LRRC61: variants seen among roughly 807,000 people sequenced by gnomAD.
LRRC61 encodes the protein leucine-rich repeat-containing protein 61.
A neutral mutation model predicts 15.1 loss-of-function variants in LRRC61; 9 were observed. The observed-to-expected ratio is 0.60, with a 90% confidence interval of 0.36 to 1.04. The LOEUF (loss-of-function observed/expected upper bound fraction) is 1.04, where lower values mean the gene tolerates loss of function less well. Among genes scored for constraint, LRRC61 ranks in the 50% least tolerant of loss-of-function variants. The pLI, the probability that LRRC61 is intolerant of heterozygous loss-of-function variation, is 0.01. For synonymous variants in LRRC61, 173 were observed against 158.6 expected (o/e 1.09, Z -0.68); for missense variants, 344 against 335.6 (o/e 1.03, Z -0.20).
chr7:150,311,232 C>A, the LRRC61 span, among the ~76,000 whole-genome samples: 2 of 152,236 alleles, frequency 1.3e-5, no homozygotes, highest in Non-Finnish European at 2.9e-5. Context: ...CTCATCTCAA[C>A]CTTTTTCCGT....
Position 150,330,927 on chromosome 7 carries a change from C to T in LRRC61, c.-145+4917C>T. The T allele has an allele frequency of 6.2e-7, 1 of 1,612,756 alleles. No individual in the cohort carries two copies. Among genetic ancestry groups the T allele is most frequent in the Non-Finnish European group, 8.5e-7 (1 of 1,179,888 alleles). On this transcript the variant is annotated intron_variant, in intron 2 of 2. Coordinates refer to ENST00000359623, the MANE Select transcript of LRRC61 (RefSeq NM_001142928.2). This position sits in a 1 kb window ranked among gnomAD's most constrained non-coding sequence, Gnocchi z 4.6. ...GAAGGGCTTGCTGGAGAGCATGGGG[C>T]TGCTGGCCTCTGAGAGAAGCGGGGG...
rs1052386953 is a variant in LRRC61, at chr7:150,333,147, T to A, written c.-144-3571T>A. Reference sequence around the variant, plus strand: ...GAGAGGACTGGGAGGCCTAGAATGGTGAGGCAGCGAGGCTCGGGAGAAGAA... The same window carrying A: ...GAGAGGACTGGGAGGCCTAGAATGGAGAGGCAGCGAGGCTCGGGAGAAGAA... On this transcript the variant is annotated intron_variant, in intron 2 of 2. Coordinates refer to ENST00000359623, the MANE Select transcript of LRRC61 (RefSeq NM_001142928.2). The surrounding 1 kb of genome is among the most constrained non-coding windows in gnomAD (Gnocchi z 4.3). Among the ~76,000 whole-genome samples the A allele has an allele frequency of 7.2e-5, 11 of 152,024 alleles. No homozygotes were observed. Among genetic ancestry groups the A allele is most frequent in the Non-Finnish European group, 1.6e-4 (11 of 68,004 alleles).
upstream of LRRC61, among the ~76,000 whole-genome samples, chr7:150,319,365 G>T (rs1422659300): frequency 6.6e-6 from 1 of 152,134 alleles, no homozygotes; most frequent in African/African-American, 2.4e-5. Flanking sequence ...GCACCACCAT[G>T]CCTAGCTAAT....
intron 2 of LRRC61, 22 bp from the exon 3 acceptor site, chr7:150,336,696 C>A: frequency 1.2e-6 from 1 of 862,108 alleles, no homozygotes; most frequent in Non-Finnish European, 1.8e-6. Flanking sequence ...GTGCTGCCTG[C>A]TGACTGACTG....
upstream of LRRC61, among the ~76,000 whole-genome samples, chr7:150,322,066 C>T (rs923443929): frequency 6.6e-6 from 1 of 152,204 alleles, no homozygotes; most frequent in Non-Finnish European, 1.5e-5. Flanking sequence ...ATTTTGTGCT[C>T]GTCCAGGGAA....
the LRRC61 span, among the ~76,000 whole-genome samples, chr7:150,311,574 C>T: frequency 6.6e-6 from 1 of 152,186 alleles, no homozygotes; most frequent in Admixed American, 6.5e-5. Flanking sequence ...CGATTTCAAC[C>T]CAGCTTCTCA....
In LRRC61 at chr7:150,337,331, T is replaced by C. The variant is rs1398113711; in HGVS notation, c.470T>C (p.Leu157Pro). The C allele has an allele frequency of 6.2e-7, 1 of 1,604,136 alleles. No homozygotes were observed. Among genetic ancestry groups the C allele is most frequent in the Admixed American group, 1.7e-5 (1 of 60,026 alleles). ...GCAGTCCGGGAGCTGCTGCCTGGCC[T>C]GAAAGTCATCGACGGTGAGCGTGTG... The part of the protein sequence containing the change: ...WAAVRELLPG[L>P]KVIDGERVIG... Residue 157 changes from leucine to proline, a missense_variant, in exon 3 of 3, where the codon CTG becomes CCG. Transcript: ENST00000359623.
chr7:150,330,416 C>CGAGGCGAGTGCGGCACA lies in LRRC61; in HGVS notation c.-145+4408_-145+4424dup. ...TGTAGCCCTTCCAGATGGTGGTCCG[C>CGAGGCGAGTGCGGCACA]GAGGCGAGTGCGGCACAGGCCTCTC... On this transcript the variant is annotated intron_variant, in intron 2 of 2. Coordinates refer to ENST00000359623, the MANE Select transcript of LRRC61 (RefSeq NM_001142928.2). The surrounding 1 kb of genome is among the most constrained non-coding windows in gnomAD (Gnocchi z 4.6). The CGAGGCGAGTGCGGCACA allele has an allele frequency of 1.3e-6, 1 of 770,830 alleles. No individual in the cohort carries two copies. Among genetic ancestry groups the CGAGGCGAGTGCGGCACA allele is most frequent in the Non-Finnish European group, 2.4e-6 (1 of 418,048 alleles). 47.7% of individuals were successfully genotyped at this position (770,830 alleles called of 1,614,324 possible).
chr7:150,331,213 C>A (rs1035446750), intron 2 of LRRC61: 1 of 1,264,716 alleles, frequency 7.9e-7, no homozygotes, highest in Non-Finnish European at 1.1e-6. Context: ...GAAGGCCAAC[C>A]TGGAGCAGTT....
At chr7:150,334,067 C>T in intron 2 of LRRC61, 1 of 985,400 alleles carries the variant, frequency 1.0e-6, no homozygotes, top group East Asian at 1.1e-4. Context: ...TGCTCCGTTT[C>T]CTCTTCTGTA....
chr7:150,330,511 A>G lies in LRRC61; in HGVS notation c.-145+4501A>G. On this transcript the variant is annotated intron_variant, in intron 2 of 2. Transcript: ENST00000359623. This position sits in a 1 kb window ranked among gnomAD's most constrained non-coding sequence, Gnocchi z 4.6. ...GAGCAGGTTCACACACACTTTCAGG[A>G]GCAGAGTGTCGGGGAGAGGGGCGCA... 1.3e-6 allele frequency: 1 copy of G among 780,008 alleles called. No individual in the cohort carries two copies. Among genetic ancestry groups the G allele is most frequent in the Non-Finnish European group, 2.4e-6 (1 of 417,724 alleles). The allele number at this position is 780,008 out of a possible 1,614,324, so 48.3% of individuals were successfully genotyped here.
rs1249667242 is a variant in LRRC61, at chr7:150,335,053, AAAAG to A, written c.-144-1664_-144-1661del. Among the ~76,000 whole-genome samples the A allele has an allele frequency of 4.0e-5, 6 of 151,736 alleles. No individual in the cohort carries two copies. The highest frequency in any genetic ancestry group is 1.9e-4 in the East Asian group (1 of 5,180). On this transcript the variant is annotated intron_variant, in intron 2 of 2. Coordinates refer to ENST00000359623, the MANE Select transcript of LRRC61 (RefSeq NM_001142928.2). This position sits in a 1 kb window ranked among gnomAD's most constrained non-coding sequence, Gnocchi z 4.3. ...CTCAAAAAAAAAAAAAAAAAAGAAA[AAAAG>A]GAGCCCCTGGCATACAGTCACCCAG... is the stretch of plus-strand genomic sequence containing the variant.
At chr7:150,316,203 AC>A in the LRRC61 span, among the ~76,000 whole-genome samples, 2 of 152,196 alleles carry the variant, frequency 1.3e-5, no homozygotes, top group African/African-American at 4.8e-5. Context: ...GTCTCAAAAA[AC>A]AAACAAACAA....
At position 150,336,976 on chromosome 7, in the gene LRRC61, C is replaced by A. The variant is rs75056573; in HGVS notation, c.115C>A (p.Arg39Ser). Residue 39 changes from arginine to serine, a missense_variant, in exon 3 of 3, where the codon CGT (arginine) becomes AGT (serine). Physicochemically the swap from Arg to Ser is moderately radical, Grantham distance 110 (BLOSUM62 -1). Coordinates refer to ENST00000359623, the MANE Select transcript of LRRC61 (RefSeq NM_001142928.2). The stretch of plus-strand genomic sequence containing the variant: ...GGAGTCCATCCTGCTACTGAAGCTG[C>A]GTGGCTTGGGACTGGCTGACCTGGG... ...SLESILLLKL[R>S]GLGLADLGCL... is the part of the protein sequence containing the mutation. 1.2e-6 allele frequency: 2 copies of A among 1,613,992 alleles called. No individual in the cohort carries two copies. Among genetic ancestry groups the A allele is most frequent in the South Asian group, 1.1e-5 (1 of 91,092 alleles).
rs200032049 is a variant in LRRC61, at chr7:150,337,125, G to C, written c.264G>C (p.Thr88=). 9.3e-6 allele frequency: 15 copies of C among 1,612,038 alleles called. No individual in the cohort carries two copies. The East Asian group carries it at 3.1e-4, about 34-fold the overall frequency. The change falls in exon 3 of 3, where the codon ACG becomes ACC. Residue 88 remains threonine (T), a synonymous_variant. Coordinates refer to ENST00000359623, the MANE Select transcript of LRRC61 (RefSeq NM_001142928.2). ...TCAATGTCTCCAACAATCGGCTGAC[G>C]GGCCTGGAGCCACTGGCCACCTGTG... ...AVLNVSNNRL[T]GLEPLATCEN...
intron 1 of LRRC61, 34 bp from the exon 2 acceptor site, chr7:150,325,807 A>G (rs551620956): frequency 2.6e-5 from 4 of 152,560 alleles, no homozygotes; most frequent in Admixed American, 2.0e-4. Flanking sequence ...ACTGAAATTT[A>G]TCAATGACTT....
chr7:150,309,672 G>C, the LRRC61 span, among the ~76,000 whole-genome samples: 6,163 of 152,200 alleles, frequency 0.04, 408 homozygotes, highest in African/African-American at 0.14. Context: ...CCACAGCCCA[G>C]GATTCTTCCT....
rs1222134092 is a variant in LRRC61 at position 150,333,114 on chromosome 7, T to TA, written c.-144-3604_-144-3603insA. 1.3e-5 allele frequency among the ~76,000 whole-genome samples: 2 copies of TA among 152,126 alleles called. No homozygotes were observed. Among genetic ancestry groups the TA allele is most frequent in the African/African-American group, 4.8e-5 (2 of 41,418 alleles). ...TGTGTGGCATCACCGAGCGGGCTCATGTTCTGGGAGAGGACTGGGAGGCCT... is the reference window on the plus strand; with the variant it reads ...TGTGTGGCATCACCGAGCGGGCTCATAGTTCTGGGAGAGGACTGGGAGGCCT... On this transcript the variant is annotated intron_variant, in intron 2 of 2. Coordinates refer to ENST00000359623, the MANE Select transcript of LRRC61 (RefSeq NM_001142928.2). The surrounding 1 kb of genome is among the most constrained non-coding windows in gnomAD (Gnocchi z 4.3).
chr7:150,311,748 G>C, the LRRC61 span, among the ~76,000 whole-genome samples: 1 of 152,166 alleles, frequency 6.6e-6, no homozygotes, highest in African/African-American at 2.4e-5. Context: ...GCCAGCTAAA[G>C]CTGGTGATGC....
Sources: gnomAD v4.1 joint callset for allele counts (sites outside exome capture counted in the v4.1 genomes callset) on GRCh38, gnomAD v4.1.1 for gene constraint, Gnocchi (gnomAD v3.1) non-coding constraint, MANE v1.5 for transcripts, NCBI Gene and HGNC (gene_info 2026-07-23, HGNC 2026-07-21) for gene names.